Variants in PITPNM3 observed in about 807,000 individuals in gnomAD.
PITPNM3 encodes the protein PITPNM family member 3.
Under a neutral mutation model 102.0 loss-of-function variants are expected in PITPNM3, and 26 were observed. The ratio of observed to expected loss-of-function variants is 0.25; its 90% CI spans 0.19 to 0.35. PITPNM3 has a LOEUF of 0.35. Among genes scored for constraint, PITPNM3 ranks in the 10% least tolerant of loss-of-function variants. The pLI, the probability that PITPNM3 is intolerant of heterozygous loss-of-function variation, is 1.00. For synonymous variants in PITPNM3, 578 were observed against 558.6 expected (o/e 1.03, Z -0.49); for missense variants, 1,083 against 1,346.1 (o/e 0.80, Z 3.06).
chr17:6,506,823 G>A (rs1907541837), intron 3 of PITPNM3, among the ~76,000 whole-genome samples: 1 of 152,304 alleles, frequency 6.6e-6, no homozygotes, highest in East Asian at 1.9e-4. Flanking sequence ...CAGCCACTGG[G>A]CCAAACAAAC....
chr17:6,477,144 C>A lies in PITPNM3; in HGVS notation c.970G>T (p.Asp324Tyr). ...TCATCCTCCAACCCACTGGAGATGT[C>A]AATGTTGCTTTTGCTGAGACGCTTG... Reference protein sequence around the residue: ...SSKRLSKSNIDISSGLEDEEP... With the variant: ...SSKRLSKSNIYISSGLEDEEP... Residue 324 changes from aspartate to tyrosine, a missense_variant, in exon 9 of 20, where the codon GAC becomes TAC. This residue lies in a region of PITPNM3 where 172 missense variants were observed against 175.6 expected (regional missense o/e 0.98). Transcript: ENST00000262483. 6.2e-7 allele frequency: 1 copy of A among 1,614,186 alleles called. No individual in the cohort carries two copies. The highest frequency in any genetic ancestry group is 8.5e-7 in the Non-Finnish European group (1 of 1,180,034).
chr17:6,478,141 C>G lies in PITPNM3; in HGVS notation c.778-44G>C, dbSNP rs774487787. ...GGACTGCAGGCCTGCCCACTGCTGA[C>G]CCCTCACCCCCACACCCGGCCAGAG... is the stretch of plus-strand genomic sequence containing the variant. On this transcript the variant is annotated intron_variant, in intron 7 of 19. Coordinates refer to ENST00000262483, the MANE Select transcript of PITPNM3 (RefSeq NM_031220.4). This position sits in a 1 kb window ranked among gnomAD's most constrained non-coding sequence, Gnocchi z 4.4. 1 of 1,610,076 alleles carries G rather than the reference C, an allele frequency of 6.2e-7. No homozygotes were observed. The highest frequency in any genetic ancestry group is 8.5e-7 in the Non-Finnish European group (1 of 1,179,940).
chr17:6,556,313 G>A lies in PITPNM3; in HGVS notation c.22+72C>T, dbSNP rs1910607147. On this transcript the variant is annotated intron_variant, in intron 1 of 19. Transcript: ENST00000262483. The surrounding 1 kb of genome is among the most constrained non-coding windows in gnomAD (Gnocchi z 5.2). ...CCTGCGCGAGGGGTTCACCTGGGCC[G>A]GCGGCCCCTCCTCTAGACGCGCGAG... The A allele has an allele frequency of 3.8e-6, 5 of 1,310,596 alleles. No individual in the cohort carries two copies. Among genetic ancestry groups the A allele is most frequent in the African/African-American group, 3.1e-5 (2 of 65,140 alleles). The allele number at this position is 1,310,596 out of a possible 1,614,324, so 81.2% of individuals were successfully genotyped here.
At chr17:6,502,489 G>A (rs1195923091) in intron 4 of PITPNM3, among the ~76,000 whole-genome samples, 1 of 152,092 alleles carries the variant, frequency 6.6e-6, no homozygotes, top group East Asian at 1.9e-4. Flanking sequence ...CTCTGGCAGG[G>A]GATGCCTGTG....
chr17:6,454,606 C>G lies in PITPNM3; in HGVS notation c.*732G>C, dbSNP rs1368026702. 6.6e-6 allele frequency: 1 copy of G among 152,338 alleles called. No homozygotes were observed. The highest frequency in any genetic ancestry group is 1.9e-4 in the East Asian group (1 of 5,184). The allele number at this position is 152,338 out of a possible 1,614,324, so 9.4% of individuals were successfully genotyped here. A position where few individuals can be genotyped will look rare whatever the true frequency, so the allele number is the denominator to read the frequency against. On this transcript the variant is annotated 3_prime_UTR_variant, in exon 20 of 20. Coordinates refer to ENST00000262483, the MANE Select transcript of PITPNM3 (RefSeq NM_031220.4). ...AGCCCAGCTGAGCCAGAGCCCAAGG[C>G]TGCAGCCTCCCAAGGGAGGGCATGA...
intron 16 of PITPNM3, 125 bp downstream of exon 16, chr17:6,464,045 T>G: frequency 6.4e-7 from 1 of 1,556,132 alleles, no homozygotes; most frequent in Non-Finnish European, 8.8e-7. Context: ...CCCATCCACC[T>G]CTGTCCATGC....
At position 6,483,626 on chromosome 17, in the gene PITPNM3, C is replaced by T. The variant is rs145057485; in HGVS notation, c.478G>A (p.Val160Met). Residue 160 changes from valine (V) to methionine (M), a missense_variant, in exon 6 of 20, where the codon GTG becomes ATG. Around this residue, in one of 5 missense-constraint regions of PITPNM3, gnomAD observed 290 missense variants for 337.8 expected, o/e 0.86. Coordinates refer to ENST00000262483, the MANE Select transcript of PITPNM3 (RefSeq NM_031220.4). Reference sequence around the variant, plus strand: ...TGGGCTCGTGTGACCTTCTCCAGCACGGAGCTGAAGGTGTGGATGTCGGCT... The same window carrying T: ...TGGGCTCGTGTGACCTTCTCCAGCATGGAGCTGAAGGTGTGGATGTCGGCT... ...KAADIHTFSSVLEKVTRAHFP... is the reference protein window; with the variant it reads ...KAADIHTFSSMLEKVTRAHFP... 2.0e-5 allele frequency: 32 copies of T among 1,614,084 alleles called. No individual in the cohort carries two copies. In the East Asian group the frequency reaches 2.7e-4, roughly 13 times the overall value.
chr17:6,525,426 C>A lies in PITPNM3; in HGVS notation c.156G>T (p.Gly52=). Residue 52 remains glycine (G), a synonymous_variant, in exon 3 of 20, where the codon GGG becomes GGT. Transcript: ENST00000262483. The stretch of plus-strand genomic sequence containing the variant: ...GGTCATTGGAGTTCCACTGGCTCAT[C>A]CCAATGAGGATGGCATTCTTCCCTT... ...MAEGKNAILI[G]MSQWNSNDLV... 6.2e-7 allele frequency: 1 copy of A among 1,614,194 alleles called. No individual in the cohort carries two copies. Among genetic ancestry groups the A allele is most frequent in the Non-Finnish European group, 8.5e-7 (1 of 1,180,024 alleles).
intron 10 of PITPNM3, among the ~76,000 whole-genome samples, chr17:6,473,508 T>C (rs1905157449): frequency 6.6e-6 from 1 of 152,180 alleles, no homozygotes; most frequent in Admixed American, 6.5e-5. Context: ...ATACTGTAGC[T>C]TGTCAGTAAG....
chr17:6,530,330 T>A (rs1909076012), intron 2 of PITPNM3, among the ~76,000 whole-genome samples: 1 of 152,232 alleles, frequency 6.6e-6, no homozygotes. Context: ...GACCTGACCC[T>A]GACTTTGAAA....
At position 6,470,866 on chromosome 17, in the gene PITPNM3, T is replaced by A. The variant is rs1436424964; in HGVS notation, c.1624+295A>T. Among the ~76,000 whole-genome samples the A allele has an allele frequency of 6.6e-6, 1 of 152,102 alleles. No homozygotes were observed. The highest frequency in any genetic ancestry group is 1.5e-5 in the Non-Finnish European group (1 of 68,008). On this transcript the variant is annotated intron_variant, in intron 12 of 19. Transcript: ENST00000262483. The surrounding 1 kb of genome is among the most constrained non-coding windows in gnomAD (Gnocchi z 4.8). ...TCAGGGGTCACTGCTCTCCTCAAGG[T>A]CAGAGCTCTGATTTGAGGCAGGGTC... is the stretch of plus-strand genomic sequence containing the variant.
chr17:6,540,528 T>A (rs565328356), intron 1 of PITPNM3, among the ~76,000 whole-genome samples: 1 of 152,220 alleles, frequency 6.6e-6, no homozygotes, highest in Admixed American at 6.5e-5. Context: ...TTATAAATGC[T>A]GAACTAACAT....
Position 6,454,217 on chromosome 17 carries a change from G to A in PITPNM3, c.*1121C>T, listed in dbSNP as rs929298160. 3.9e-5 allele frequency: 6 copies of A among 152,234 alleles called. No homozygotes were observed. The highest frequency in any genetic ancestry group is 7.3e-5 in the Non-Finnish European group (5 of 68,056). The allele number at this position is 152,234 out of a possible 1,614,324, so 9.4% of individuals were successfully genotyped here. A position where few individuals can be genotyped will look rare whatever the true frequency, so the allele number is the denominator to read the frequency against. ...AGCCCAATCAGTAACCTTTTGGCAGGAGAGGGAGGTGGGTTGTCCCTAGGA... is the reference window on the plus strand; with the variant it reads ...AGCCCAATCAGTAACCTTTTGGCAGAAGAGGGAGGTGGGTTGTCCCTAGGA... On this transcript the variant is annotated 3_prime_UTR_variant, in exon 20 of 20. Coordinates refer to ENST00000262483, the MANE Select transcript of PITPNM3 (RefSeq NM_031220.4).
chr17:6,467,080 C>CAAAAAAAAA (rs752960279), intron 14 of PITPNM3, among the ~76,000 whole-genome samples: 22,048 of 60,832 alleles, frequency 0.36, 3,297 homozygotes, highest in East Asian at 0.55. Context: ...AAAAAAAAAA[C>CAAAAAAAAA]CAAAAAAAAA....
At position 6,459,291 on chromosome 17, in the gene PITPNM3, C is replaced by T. The variant is rs996153708; in HGVS notation, c.2491-1569G>A. ...ACTAGGCAGTTCTCAGCATCCCACA[C>T]CCTCGGCAAAAGGGGCGCTATCTCC... On this transcript the variant is annotated intron_variant, in intron 18 of 19. Transcript: ENST00000262483. This position sits in a 1 kb window ranked among gnomAD's most constrained non-coding sequence, Gnocchi z 5.0. Among the ~76,000 whole-genome samples the T allele has an allele frequency of 1.3e-5, 2 of 152,144 alleles. No homozygotes were observed. The highest frequency in any genetic ancestry group is 1.3e-4 in the Admixed American group (2 of 15,280).
intron 17 of PITPNM3, among the ~76,000 whole-genome samples, chr17:6,462,904 C>T (rs73975548): frequency 0.016 from 2,411 of 152,116 alleles, 63 homozygotes; most frequent in African/African-American, 0.055. Flanking sequence ...TGGGGAGCAC[C>T]CTGGAGCCCA....
chr17:6,532,021 A>G (rs12953133), intron 2 of PITPNM3, among the ~76,000 whole-genome samples: 116,864 of 151,850 alleles, frequency 0.77, 45,377 homozygotes, highest in African/African-American at 0.87. Context: ...CAGGAGAATC[A>G]CTTGAACCTG....
At chr17:6,498,800 G>A (rs1205825351) in intron 4 of PITPNM3, among the ~76,000 whole-genome samples, 1 of 152,172 alleles carries the variant, frequency 6.6e-6, no homozygotes. Context: ...TGGAAGCACA[G>A]AAAGAGTGAG....
chr17:6,474,396 A>C, intron 10 of PITPNM3, 36 bp downstream of exon 10: 2 of 1,606,926 alleles, frequency 1.2e-6, no homozygotes, highest in African/African-American at 2.7e-5. Context: ...CTAGTGACGC[A>C]CAGGCACCTC....
Sources: allele counts gnomAD v4.1 joint callset (sites outside exome capture counted in the v4.1 genomes callset), GRCh38; gene constraint gnomAD v4.1.1; regional missense constraint gnomAD v4.1.1; non-coding constraint Gnocchi (gnomAD v3.1); transcripts MANE v1.5; gene names NCBI Gene and HGNC (gene_info 2026-07-23, HGNC 2026-07-21).